The following BTBD19 variants were observed in gnomAD, a reference collection of about 807,000 sequenced individuals.
BTBD19 encodes BTB domain containing 19, also known as BTB/POZ domain-containing protein 19.
A neutral mutation model predicts 36.1 loss-of-function variants in BTBD19; 20 were observed. The ratio of observed to expected loss-of-function variants is 0.55; its 90% CI spans 0.39 to 0.80. The LOEUF (loss-of-function observed/expected upper bound fraction) is 0.80. Ranked by LOEUF, BTBD19 falls within the 30% of genes least tolerant of loss-of-function variation. BTBD19 has a pLI of 0.00. For missense variants in BTBD19, 325 were observed against 389.8 expected (o/e 0.83, Z 1.40); for synonymous variants, 157 against 174.3 (o/e 0.90, Z 0.78).
At position 44,813,270 on chromosome 1, in the gene BTBD19, G is replaced by A. The variant is rs2148865130; in HGVS notation, c.615+1G>A. 2 of 1,536,118 alleles carry A rather than the reference G, an allele frequency of 1.3e-6. No homozygotes were observed. The highest frequency in any genetic ancestry group is 2.4e-5 in the South Asian group (2 of 83,784). ...CCGAAGCTGGGCGCGCGTGGGCGCGGTGAGTGGGGCTGGGGGAGCGCAAGG... is the reference window on the plus strand; with the variant it reads ...CCGAAGCTGGGCGCGCGTGGGCGCGATGAGTGGGGCTGGGGGAGCGCAAGG... On this transcript the variant is annotated splice_donor_variant, in intron 6 of 7. Transcript: ENST00000450269. LOFTEE classifies it high-confidence loss of function. The surrounding 1 kb of genome is among the most constrained non-coding windows in gnomAD (Gnocchi z 7.8).
Position 44,813,006 on chromosome 1 carries a change from C to T in BTBD19, c.425C>T (p.Thr142Ile). 6.4e-7 allele frequency: 1 copy of T among 1,551,184 alleles called. No homozygotes were observed. Among genetic ancestry groups the T allele is most frequent in the South Asian group, 1.2e-5 (1 of 83,956 alleles). Residue 142 changes from threonine to isoleucine, a missense_variant, in exon 5 of 8, where the codon ACC becomes ATC. Transcript: ENST00000450269. This position sits in a 1 kb window ranked among gnomAD's most constrained non-coding sequence, Gnocchi z 7.8. Reference sequence around the variant, plus strand: ...TCATTCTGCTCGCAGGTGGCCGTAACCTTTGGCCTGGGGCAGCTGCAGGAG... The same window carrying T: ...TCATTCTGCTCGCAGGTGGCCGTAATCTTTGGCCTGGGGCAGCTGCAGGAG...
At chr1:44,809,396 G>A (rs1003994850) in intron 1 of BTBD19, among the ~76,000 whole-genome samples, 2 of 152,268 alleles carry the variant, frequency 1.3e-5, no homozygotes, top group East Asian at 1.9e-4. Flanking sequence ...CCTGCTGGCC[G>A]GGATGCCAGT....
In BTBD19 at chr1:44,813,085, C is replaced by T. The variant is rs1307684628; in HGVS notation, c.483+21C>T. On this transcript the variant is annotated intron_variant, in intron 5 of 7. Transcript: ENST00000450269. This position sits in a 1 kb window ranked among gnomAD's most constrained non-coding sequence, Gnocchi z 7.8. ...GCCAGGTACTGCTCCCTTCATACTC[C>T]TCACCCTACGCACCGCATTCTGCTC... 6.5e-7 allele frequency: 1 copy of T among 1,548,868 alleles called. No homozygotes were observed. Among genetic ancestry groups the T allele is most frequent in the Admixed American group, 2.0e-5 (1 of 50,788 alleles).
chr1:44,810,104 TC>T lies in BTBD19; in HGVS notation c.87-108del. 1.0e-6 allele frequency: 1 copy of T among 992,396 alleles called. No individual in the cohort carries two copies. Among genetic ancestry groups the T allele is most frequent in the East Asian group, 2.6e-5 (1 of 38,282 alleles). 61.5% of individuals were successfully genotyped at this position (992,396 alleles called of 1,614,324 possible). ...TCTGCTGGAGGGACGAAGCCCTGTC[TC>T]TTACATTCTGGTTAGGAAACTAAGA... On this transcript the variant is annotated intron_variant, in intron 1 of 7. Coordinates refer to ENST00000450269, the Ensembl canonical transcript of BTBD19. The surrounding 1 kb of genome is among the most constrained non-coding windows in gnomAD (Gnocchi z 4.2).
In BTBD19 at chr1:44,813,684, G is replaced by C; in HGVS notation, c.788G>C (p.Gly263Ala). 6.4e-7 allele frequency: 1 copy of C among 1,551,440 alleles called. No homozygotes were observed. The highest frequency in any genetic ancestry group is 8.7e-7 in the Non-Finnish European group (1 of 1,146,832). ...TGGAAATGCCATGCCCTGCGGAGAG[G>C]GGATGAGGCCCGGGGCGCCCCGTGT... The change falls in exon 8 of 8, where the codon GGG (glycine) becomes GCG (alanine). Residue 263 changes from glycine to alanine, a missense_variant. Physicochemically the swap from Gly to Ala is moderately conservative, Grantham distance 60. Coordinates refer to ENST00000450269, the Ensembl canonical transcript of BTBD19. This position sits in a 1 kb window ranked among gnomAD's most constrained non-coding sequence, Gnocchi z 7.8.
At chr1:44,814,231 C>CTTTTTCT (rs1553163471), downstream of BTBD19, 1 of 82,900 alleles carries the variant, frequency 1.2e-5, no homozygotes, top group African/African-American at 4.4e-5. Context: ...TTTCTCTTTC[C>CTTTTTCT]TTCCTTCCTT....
At chr1:44,814,062 T>C in exon 8 of BTBD19, 1 of 565,622 alleles carries the variant, frequency 1.8e-6, no homozygotes, top group Non-Finnish European at 3.2e-6. Context: ...GCCCTGCCCC[T>C]GGGCATTGTC....
chr1:44,808,540 C>G (rs1376900626), exon 1 of BTBD19: 5 of 309,174 alleles, frequency 1.6e-5, no homozygotes, highest in African/African-American at 6.5e-5. Context: ...CTTTCGCCGC[C>G]GCCGCCGCCG....
At position 44,813,222 on chromosome 1, in the gene BTBD19, G is replaced by C; in HGVS notation, c.568G>C (p.Glu190Gln). ...CCGCAGCGACAAGCTCTGCGTGGACGAGGCTGAACTGGTCCGCGCGGCCCG... is the reference window on the plus strand; with the variant it reads ...CCGCAGCGACAAGCTCTGCGTGGACCAGGCTGAACTGGTCCGCGCGGCCCG... Residue 190 changes from glutamate (E) to glutamine (Q), a missense_variant, in exon 6 of 8, where the codon GAG (glutamate) becomes CAG (glutamine). Glu to Gln is a conservative substitution (Grantham distance 29, BLOSUM62 2). Transcript: ENST00000450269. The surrounding 1 kb of genome is among the most constrained non-coding windows in gnomAD (Gnocchi z 7.8). 6.5e-7 allele frequency: 1 copy of C among 1,542,918 alleles called. No homozygotes were observed.
At position 44,813,332 on chromosome 1, in the gene BTBD19, G is replaced by A. The variant is rs1652523031; in HGVS notation, c.616-42G>A. The A allele has an allele frequency of 2.6e-6, 4 of 1,540,678 alleles. No individual in the cohort carries two copies. Among genetic ancestry groups the A allele is most frequent in the Non-Finnish European group, 3.5e-6 (4 of 1,146,036 alleles). On this transcript the variant is annotated intron_variant, in intron 6 of 7. Transcript: ENST00000450269. The surrounding 1 kb of genome is among the most constrained non-coding windows in gnomAD (Gnocchi z 7.8). ...GGTGCTGGCCACGAGACTGGTGAGCGGGCGGCAGGACAGGTGCCCGACTCA... is the reference window on the plus strand; with the variant it reads ...GGTGCTGGCCACGAGACTGGTGAGCAGGCGGCAGGACAGGTGCCCGACTCA...
intron 3 of BTBD19, among the ~76,000 whole-genome samples, chr1:44,811,136 G>A (rs969117802): frequency 6.6e-6 from 1 of 151,144 alleles, no homozygotes; most frequent in Non-Finnish European, 1.5e-5. Flanking sequence ...CACAAGAATC[G>A]CTTGAACCTG....
At chr1:44,808,946 C>A in intron 1 of BTBD19, 40 bp downstream of exon 1, 1 of 1,471,898 alleles carries the variant, frequency 6.8e-7, no homozygotes, top group Admixed American at 2.2e-5. Flanking sequence ...TCTTAGCTGG[C>A]TCTGTGGGCC....
At chr1:44,808,814 C>T in exon 1 of BTBD19, 1 of 1,540,882 alleles carries the variant, frequency 6.5e-7, no homozygotes, top group Non-Finnish European at 8.8e-7. Flanking sequence ...CCAACCCCTT[C>T]TCACTCATGG....
rs1164575463 is a variant in BTBD19 at position 44,813,803 on chromosome 1, A to G, written c.*31A>G. On this transcript the variant is annotated 3_prime_UTR_variant, in exon 8 of 8. Coordinates refer to ENST00000450269, the Ensembl canonical transcript of BTBD19. This position sits in a 1 kb window ranked among gnomAD's most constrained non-coding sequence, Gnocchi z 7.8. ...CGCCGGGACTCGCAGGGAGCCCTCG[A>G]CCCGCCCAGCTGAGCCTGCCCCAAA... 6.4e-7 allele frequency: 1 copy of G among 1,550,508 alleles called. No individual in the cohort carries two copies. The highest frequency in any genetic ancestry group is 1.4e-5 in the African/African-American group (1 of 73,044).
Position 44,813,167 on chromosome 1 carries a change from G to A in BTBD19, c.513G>A (p.Glu171=). Reference sequence around the variant, plus strand: ...CCCTCCGGACCCGAGGCTTCCTGGAGCTGTCGGCGGCCGCGCTGCTGCCCC... The same window carrying A: ...CCCTCCGGACCCGAGGCTTCCTGGAACTGTCGGCGGCCGCGCTGCTGCCCC... Residue 171 remains glutamate (E), a synonymous_variant, in exon 6 of 8, where the codon GAG becomes GAA. Transcript: ENST00000450269. The surrounding 1 kb of genome is among the most constrained non-coding windows in gnomAD (Gnocchi z 7.8). 1 of 1,547,988 alleles carries A rather than the reference G, an allele frequency of 6.5e-7. No individual in the cohort carries two copies. The highest frequency in any genetic ancestry group is 8.7e-7 in the Non-Finnish European group (1 of 1,144,964).
chr1:44,813,482 C>G lies in BTBD19; in HGVS notation c.724C>G (p.Gln242Glu). The G allele has an allele frequency of 1.3e-6, 2 of 1,548,966 alleles. No homozygotes were observed. Among genetic ancestry groups the G allele is most frequent in the Non-Finnish European group, 1.7e-6 (2 of 1,146,668 alleles). ...GAGCGCCCTGGAAGAGCAGAACCGG[C>G]AGGAACCACTCATCCCGGTGGGGAC... The change falls in exon 7 of 8, where the codon CAG becomes GAG. Residue 242 changes from glutamine (Q) to glutamate (E), a missense_variant. Transcript: ENST00000450269. This position sits in a 1 kb window ranked among gnomAD's most constrained non-coding sequence, Gnocchi z 7.8.
At position 44,810,249 on chromosome 1, in the gene BTBD19, G is replaced by A. The variant is rs1357323601; in HGVS notation, c.123G>A (p.Glu41=). The A allele has an allele frequency of 1.2e-5, 18 of 1,551,824 alleles. No homozygotes were observed. Among genetic ancestry groups the A allele is most frequent in the Non-Finnish European group, 1.4e-5 (16 of 1,147,044 alleles). ...TCGTGGTTGGTCAAGAACGGCAGGA[G>A]GTATTTGCCCATCGGTGCTTGTTGG... Residue 41 remains glutamate (E), a synonymous_variant, in exon 2 of 8, where the codon GAG becomes GAA. Transcript: ENST00000450269. The surrounding 1 kb of genome is among the most constrained non-coding windows in gnomAD (Gnocchi z 4.2).
chr1:44,809,012 C>A, intron 1 of BTBD19, 106 bp downstream of exon 1: 1 of 975,024 alleles, frequency 1.0e-6, no homozygotes, highest in Non-Finnish European at 1.5e-6. Flanking sequence ...ACTTGGCCAT[C>A]CTCCCTGGTG....
At position 44,813,214 on chromosome 1, in the gene BTBD19, G is replaced by C. The variant is rs1291578655; in HGVS notation, c.560G>C (p.Cys187Ser). 1 of 1,544,454 alleles carries C rather than the reference G, an allele frequency of 6.5e-7. No homozygotes were observed. ...CCCCTGCTCCGCAGCGACAAGCTCTGCGTGGACGAGGCTGAACTGGTCCGC... is the reference window on the plus strand; with the variant it reads ...CCCCTGCTCCGCAGCGACAAGCTCTCCGTGGACGAGGCTGAACTGGTCCGC... Residue 187 changes from cysteine (C) to serine (S), a missense_variant, in exon 6 of 8, where the codon TGC becomes TCC. Cys to Ser is a moderately radical substitution (Grantham distance 112, BLOSUM62 -1). Coordinates refer to ENST00000450269, the Ensembl canonical transcript of BTBD19. This position sits in a 1 kb window ranked among gnomAD's most constrained non-coding sequence, Gnocchi z 7.8.
Sources: gnomAD v4.1 joint callset for allele counts (sites outside exome capture counted in the v4.1 genomes callset) on GRCh38, gnomAD v4.1.1 for gene constraint, Gnocchi (gnomAD v3.1) non-coding constraint, MANE v1.5 for transcripts, NCBI Gene and HGNC (gene_info 2026-07-23, HGNC 2026-07-21) for gene names.